FANCC: variants seen among roughly 807,000 people sequenced by gnomAD.
The protein encoded by FANCC is FA complementation group C.
Under a neutral mutation model 71.3 loss-of-function variants are expected in FANCC, and 55 were observed. The observed-to-expected ratio is 0.77, with a 90% CI of 0.62 to 0.97. The LOEUF (loss-of-function observed/expected upper bound fraction) is 0.97. FANCC is among the 50% of genes least tolerant of loss of function. The pLI, the probability that FANCC is intolerant of heterozygous loss-of-function variation, is 0.00. For synonymous variants in FANCC, 275 were observed against 244.9 expected (o/e 1.12, Z -1.15); for missense variants, 678 against 670.9 (o/e 1.01, Z -0.12).
rs765551897 is a variant in FANCC at position 95,111,534 on chromosome 9, T to TG, written c.1257dup (p.Thr420HisfsTer15). On this transcript the variant is annotated frameshift_variant, in exon 13 of 15. Coordinates refer to ENST00000289081, the MANE Select transcript of FANCC (RefSeq NM_000136.3). LOFTEE classifies it high-confidence loss of function. The stretch of plus-strand genomic sequence containing the variant: ...AAGGCCAAGAGCCACAGCAGGGCCG[T>TG]GGGGGGTTCGGCTGCCGACATCAGT... The TG allele has an allele frequency of 6.2e-7, 1 of 1,614,052 alleles. No individual in the cohort carries two copies. The highest frequency in any genetic ancestry group is 8.5e-7 in the Non-Finnish European group (1 of 1,180,020).
intron 4 of FANCC, among the ~76,000 whole-genome samples, chr9:95,174,138 G>A (rs183054270): frequency 6.6e-6 from 1 of 152,268 alleles, no homozygotes; most frequent in Non-Finnish European, 1.5e-5. Flanking sequence ...CAGTTCTGGA[G>A]GCTGGGAAGT....
intron 1 of FANCC, among the ~76,000 whole-genome samples, chr9:95,304,933 G>C (rs1393451452): frequency 6.6e-6 from 1 of 152,114 alleles, no homozygotes; most frequent in Non-Finnish European, 1.5e-5. Context: ...TATGGTACTT[G>C]ACAATGCTTG....
chr9:95,218,140 C>CT (rs1223941741), intron 4 of FANCC, among the ~76,000 whole-genome samples: 1 of 152,170 alleles, frequency 6.6e-6, no homozygotes, highest in Non-Finnish European at 1.5e-5. Flanking sequence ...TAAAGTTTCA[C>CT]TAGTGACTTC....
chr9:95,282,150 T>C (rs1404139669), intron 1 of FANCC, among the ~76,000 whole-genome samples: 3 of 151,870 alleles, frequency 2.0e-5, no homozygotes, highest in Non-Finnish European at 2.9e-5. Context: ...CCCAACTATA[T>C]ACTGCCTACA....
intron 4 of FANCC, among the ~76,000 whole-genome samples, chr9:95,225,417 G>A (rs554438843): frequency 8.5e-5 from 13 of 152,258 alleles, no homozygotes; most frequent in Admixed American, 2.6e-4. Context: ...CTAAAAATTC[G>A]CTTCCCTTCA....
intron 1 of FANCC, among the ~76,000 whole-genome samples, chr9:95,299,916 A>ATC (rs1834617108): frequency 6.6e-6 from 1 of 152,064 alleles, no homozygotes; most frequent in African/African-American, 2.4e-5. Context: ...CTCAAAACTC[A>ATC]TCTCCTCAAA....
At chr9:95,120,715 G>A (rs184326796) in intron 10 of FANCC, among the ~76,000 whole-genome samples, 8 of 152,216 alleles carry the variant, frequency 5.3e-5, no homozygotes, top group Non-Finnish European at 8.8e-5. Flanking sequence ...GGCATGAGCC[G>A]CCGTGCCCAG....
chr9:95,118,721 G>A (rs531934327), intron 10 of FANCC, among the ~76,000 whole-genome samples: 2 of 152,300 alleles, frequency 1.3e-5, no homozygotes, highest in Non-Finnish European at 1.5e-5. Flanking sequence ...TAAAGATTAA[G>A]CCACGTTATT....
At chr9:95,276,754 C>T (rs1006559880) in intron 1 of FANCC, among the ~76,000 whole-genome samples, 1 of 152,186 alleles carries the variant, frequency 6.6e-6, no homozygotes, top group African/African-American at 2.4e-5. Flanking sequence ...TCAACCAGTA[C>T]AAAGTTACAG....
At chr9:95,250,279 G>T (rs1431822930) in intron 1 of FANCC, among the ~76,000 whole-genome samples, 1 of 152,192 alleles carries the variant, frequency 6.6e-6, no homozygotes, top group Non-Finnish European at 1.5e-5. Context: ...GGGCAGGCAG[G>T]ATATTCAGCA....
At chr9:95,277,566 T>C (rs948095940) in intron 1 of FANCC, among the ~76,000 whole-genome samples, 1 of 152,006 alleles carries the variant, frequency 6.6e-6, no homozygotes, top group Non-Finnish European at 1.5e-5. Context: ...CTTGGGAACA[T>C]CAACAAACCC....
At chr9:95,164,445 C>T in intron 6 of FANCC, among the ~76,000 whole-genome samples, 1 of 152,072 alleles carries the variant, frequency 6.6e-6, no homozygotes, top group Admixed American at 6.6e-5. Flanking sequence ...TCAAATATGG[C>T]CTTTACTACT....
intron 1 of FANCC, among the ~76,000 whole-genome samples, chr9:95,313,834 G>A (rs1435805244): frequency 3.9e-5 from 6 of 152,040 alleles, no homozygotes; most frequent in Admixed American, 6.6e-5. Flanking sequence ...ATTGATAAAG[G>A]AACAAAACCA....
Position 95,101,260 on chromosome 9 carries a change from AT to A in FANCC, c.*446del, listed in dbSNP as rs1157417562. ...GCAAGACAGTGTGGCTTTATCCCAGATCCCTGACTCCTAAAAAGAGTCTAAA... is the reference window on the plus strand; with the variant it reads ...GCAAGACAGTGTGGCTTTATCCCAGACCCTGACTCCTAAAAAGAGTCTAAA... On this transcript the variant is annotated 3_prime_UTR_variant, in exon 15 of 15. Transcript: ENST00000289081. The A allele has an allele frequency of 6.8e-6, 2 of 292,854 alleles. No homozygotes were observed. Among genetic ancestry groups the A allele is most frequent in the African/African-American group, 4.2e-5 (2 of 47,408 alleles). 18.1% of individuals were successfully genotyped at this position (292,854 alleles called of 1,614,324 possible).
chr9:95,238,468 C>A (rs1397513557), intron 4 of FANCC, among the ~76,000 whole-genome samples: 1 of 152,130 alleles, frequency 6.6e-6, no homozygotes, highest in African/African-American at 2.4e-5. Context: ...TAGCTTCCAA[C>A]GTCTATCCTT....
At chr9:95,286,378 G>A (rs1284623914) in intron 1 of FANCC, among the ~76,000 whole-genome samples, 4 of 152,102 alleles carry the variant, frequency 2.6e-5, no homozygotes, top group Non-Finnish European at 5.9e-5. Flanking sequence ...TCTGGTGTAG[G>A]GGCTTCCAGG....
rs114564477 is a variant in FANCC at position 95,168,434 on chromosome 9, C to G, written c.521+2645G>C. On this transcript the variant is annotated intron_variant, in intron 6 of 14. Transcript: ENST00000289081. ...GGCATCAAAAGTAGTCTTCCTTTAT[C>G]TGCAGTTTTACTTTTTGTAGTTTGA... 6.2e-3 allele frequency among the ~76,000 whole-genome samples: 941 copies of G among 152,360 alleles called. 7 individuals carry two copies. Among genetic ancestry groups the G allele is most frequent in the African/African-American group, 0.02 (848 of 41,574 alleles).
At position 95,292,325 on chromosome 9, in the gene FANCC, C is replaced by T. The variant is rs1380484202; in HGVS notation, c.-79+25201G>A. The T allele has an allele frequency of 1.8e-5, 13 of 717,292 alleles. No individual in the cohort carries two copies. The East Asian group carries it at 1.4e-3, about 75-fold the overall frequency. 44.4% of individuals were successfully genotyped at this position (717,292 alleles called of 1,614,324 possible). A position where few individuals can be genotyped will look rare whatever the true frequency, so the allele number is the denominator to read the frequency against. On this transcript the variant is annotated intron_variant, in intron 1 of 14. Coordinates refer to ENST00000289081, the MANE Select transcript of FANCC (RefSeq NM_000136.3). ...CACAACTGCGAGCTGGGCCTGGCCG[C>T]CCTGCGGGAGCCATGGCGGCCTCGG...
At chr9:95,159,033 C>CT (rs112559084) in intron 6 of FANCC, among the ~76,000 whole-genome samples, 149 of 147,594 alleles carry the variant, frequency 1.0e-3, no homozygotes, top group East Asian at 1.8e-3. Context: ...TTTTTTTGAC[C>CT]TTTTTTTTTT....
Sources: allele counts gnomAD v4.1 joint callset (sites outside exome capture counted in the v4.1 genomes callset), GRCh38; gene constraint gnomAD v4.1.1; transcripts MANE v1.5; gene names NCBI Gene and HGNC (gene_info 2026-07-23, HGNC 2026-07-21).